The following MACROD2 variants were observed in gnomAD, a reference collection of about 807,000 sequenced individuals.
MACROD2 encodes mono-ADP ribosylhydrolase 2.
MACROD2 carries 36 observed loss-of-function variants against 70.4 expected under a neutral mutation model. The observed-to-expected ratio is 0.51, with a 90% CI of 0.39 to 0.68. The LOEUF (loss-of-function observed/expected upper bound fraction) is 0.68. MACROD2 is among the 30% of genes least tolerant of loss of function. The probability of loss-of-function intolerance (pLI) is 0.00; values close to 1 mark genes in which losing one functional copy is unlikely to be tolerated. For missense variants in MACROD2, 496 were observed against 538.4 expected (o/e 0.92, Z 0.78); for synonymous variants, 172 against 178.8 (o/e 0.96, Z 0.30).
At chr20:15,008,636 G>A (rs541424542) in intron 5 of MACROD2, among the ~76,000 whole-genome samples, 88 of 152,238 alleles carry the variant, frequency 5.8e-4, no homozygotes, top group African/African-American at 2.0e-3. Context: ...GCTCTTTGGC[G>A]CTGAGAAGGA....
At chr20:14,643,907 A>AT (rs918997185) in intron 4 of MACROD2, among the ~76,000 whole-genome samples, 3 of 152,004 alleles carry the variant, frequency 2.0e-5, no homozygotes, top group African/African-American at 4.8e-5. Context: ...GATGGATAGA[A>AT]TTTTTTTTAA....
intron 3 of MACROD2, among the ~76,000 whole-genome samples, chr20:14,432,361 T>C (rs1266690908): frequency 6.6e-6 from 1 of 152,158 alleles, no homozygotes; most frequent in African/African-American, 2.4e-5. Context: ...GAATTGTTTA[T>C]TTTTATATGT....
At chr20:14,483,428 C>T (rs563750963) in intron 3 of MACROD2, among the ~76,000 whole-genome samples, 19 of 151,206 alleles carry the variant, frequency 1.3e-4, no homozygotes, top group East Asian at 5.8e-4. Context: ...TTTTTTGAGA[C>T]GGAGTTTCGC....
At chr20:14,990,255 TA>T (rs1179140450) in intron 5 of MACROD2, among the ~76,000 whole-genome samples, 2 of 152,202 alleles carry the variant, frequency 1.3e-5, no homozygotes, top group South Asian at 4.1e-4. Context: ...ACACAATAGA[TA>T]AAAAATGTTG....
chr20:15,021,550 AT>A (rs2075185347), intron 5 of MACROD2: 1 of 150,912 alleles, frequency 6.6e-6, no homozygotes, highest in South Asian at 2.1e-4. Flanking sequence ...ATATATGTGT[AT>A]TTTTCTCATG....
chr20:14,861,994 T>TTA (rs1491080779), intron 5 of MACROD2, among the ~76,000 whole-genome samples: 2 of 57,406 alleles, frequency 3.5e-5, no homozygotes, highest in Non-Finnish European at 6.0e-5. Context: ...TATATATATT[T>TTA]ATATATATAT....
chr20:14,716,201 C>G (rs552551755), intron 5 of MACROD2, among the ~76,000 whole-genome samples: 2 of 152,288 alleles, frequency 1.3e-5, no homozygotes, highest in African/African-American at 4.8e-5. Flanking sequence ...TCTTCATGAT[C>G]CAAATAAAAG....
intron 5 of MACROD2, among the ~76,000 whole-genome samples, chr20:14,979,813 C>G (rs1255722582): frequency 6.6e-6 from 1 of 152,178 alleles, no homozygotes; most frequent in African/African-American, 2.4e-5. Flanking sequence ...ATAATATGAA[C>G]TTTGGAACTA....
intron 5 of MACROD2, among the ~76,000 whole-genome samples, chr20:15,092,100 T>G (rs984188258): frequency 2.0e-5 from 3 of 152,160 alleles, no homozygotes; most frequent in Admixed American, 6.6e-5. Flanking sequence ...TTGCCGTTTC[T>G]TTTTTCTCCT....
chr20:15,782,855 C>G (rs1254110794), intron 8 of MACROD2, among the ~76,000 whole-genome samples: 1 of 151,634 alleles, frequency 6.6e-6, no homozygotes, highest in Non-Finnish European at 1.5e-5. Flanking sequence ...TTCTCTAGCT[C>G]TATAAGCTTC....
intron 3 of MACROD2, among the ~76,000 whole-genome samples, chr20:14,278,273 A>G (rs1051484595): frequency 2.0e-5 from 3 of 152,238 alleles, no homozygotes; most frequent in Non-Finnish European, 4.4e-5. Context: ...GTATTCAGAT[A>G]CATACATGGG....
chr20:15,080,339 C>T (rs143337954), intron 5 of MACROD2, among the ~76,000 whole-genome samples: 3 of 152,254 alleles, frequency 2.0e-5, no homozygotes, highest in African/African-American at 7.2e-5. Flanking sequence ...TGAGTTCCCT[C>T]TTACCAAATA....
intron 5 of MACROD2, among the ~76,000 whole-genome samples, chr20:15,049,935 G>C (rs147559649): frequency 6.7e-6 from 1 of 150,000 alleles, no homozygotes. Context: ...ATGACAGAGT[G>C]AGACTCTGTC....
intron 2 of MACROD2, among the ~76,000 whole-genome samples, chr20:14,068,529 A>G (rs1009411341): frequency 3.9e-5 from 6 of 152,118 alleles, no homozygotes; most frequent in African/African-American, 1.2e-4. Flanking sequence ...CATGAGGATG[A>G]CCCAAAGTGC....
intron 6 of MACROD2, among the ~76,000 whole-genome samples, chr20:15,316,613 C>T (rs923981865): frequency 1.3e-5 from 2 of 152,014 alleles, no homozygotes; most frequent in Non-Finnish European, 2.9e-5. Flanking sequence ...ATTTAAATAT[C>T]CCACTTTCAG....
intron 3 of MACROD2, among the ~76,000 whole-genome samples, chr20:14,476,622 G>A (rs2084598135): frequency 6.6e-6 from 1 of 152,216 alleles, no homozygotes; most frequent in Non-Finnish European, 1.5e-5. Flanking sequence ...CTCCCAAAGT[G>A]TTGGGATTAC....
At chr20:15,504,308 A>C (rs1294736886) in intron 8 of MACROD2, among the ~76,000 whole-genome samples, 1 of 152,202 alleles carries the variant, frequency 6.6e-6, no homozygotes, top group Non-Finnish European at 1.5e-5. Context: ...GCTGCTGCAC[A>C]CACAGCACAG....
At chr20:14,042,747 G>A (rs765958653) in intron 2 of MACROD2, among the ~76,000 whole-genome samples, 2 of 152,058 alleles carry the variant, frequency 1.3e-5, no homozygotes, top group Admixed American at 1.3e-4. Context: ...TGATCTGCCC[G>A]CCTTGGCCTC....
chr20:14,295,992 T>C (rs1214301981), intron 3 of MACROD2, among the ~76,000 whole-genome samples: 1 of 151,760 alleles, frequency 6.6e-6, no homozygotes, highest in Admixed American at 6.6e-5. Flanking sequence ...ATCAATAGAG[T>C]AGTTTCATAA....
Sources: gnomAD v4.1 joint callset for allele counts (sites outside exome capture counted in the v4.1 genomes callset) on GRCh38, gnomAD v4.1.1 for gene constraint, MANE v1.5 for transcripts, NCBI Gene and HGNC (gene_info 2026-07-23, HGNC 2026-07-21) for gene names.